The following PDE4D variants were observed in gnomAD, a reference collection of about 807,000 sequenced individuals.
The protein encoded by PDE4D is phosphodiesterase 4D, also known as 3',5'-cyclic-AMP phosphodiesterase 4D.
PDE4D carries 24 observed loss-of-function variants against 87.4 expected under a neutral mutation model. The observed-to-expected ratio is 0.27, with a 90% CI of 0.20 to 0.39. PDE4D has a LOEUF of 0.39. Ranked by LOEUF, PDE4D falls within the 10% of genes least tolerant of loss-of-function variation. The probability of loss-of-function intolerance (pLI) is 1.00; values close to 1 mark genes in which losing one functional copy is unlikely to be tolerated. For missense variants in PDE4D, 714 were observed against 1,041.0 expected (o/e 0.69, Z 4.32); for synonymous variants, 384 against 383.2 (o/e 1.00, Z -0.02).
intron 1 of PDE4D, among the ~76,000 whole-genome samples, chr5:60,493,811 T>G (rs1341239982): frequency 6.6e-6 from 1 of 151,972 alleles, no homozygotes; most frequent in Non-Finnish European, 1.5e-5. Flanking sequence ...AAAAATGAAT[T>G]CCTTCACTAG....
At chr5:60,094,758 A>G (rs968041690) in intron 2 of PDE4D, among the ~76,000 whole-genome samples, 1 of 151,958 alleles carries the variant, frequency 6.6e-6, no homozygotes, top group African/African-American at 2.4e-5. Flanking sequence ...AAAGGAATCA[A>G]CGCTACTGGC....
chr5:59,310,461 G>A (rs909474346), intron 1 of PDE4D, among the ~76,000 whole-genome samples: 4 of 152,068 alleles, frequency 2.6e-5, no homozygotes, highest in Non-Finnish European at 5.9e-5. Flanking sequence ...TGGCTCTTGA[G>A]GTCATTTGTT....
At chr5:59,617,549 T>G (rs1829849631) in intron 1 of PDE4D, among the ~76,000 whole-genome samples, 1 of 152,032 alleles carries the variant, frequency 6.6e-6, no homozygotes, top group Non-Finnish European at 1.5e-5. Context: ...TGCAAGAGAG[T>G]AGGTCCCTAA....
chr5:60,304,422 G>T (rs1013735995), intron 1 of PDE4D, among the ~76,000 whole-genome samples: 1 of 151,542 alleles, frequency 6.6e-6, no homozygotes, highest in Non-Finnish European at 1.5e-5. Context: ...GAGGCGGGTG[G>T]ATCATGAGGT....
At chr5:59,275,555 G>A (rs1561862872) in intron 1 of PDE4D, 1 of 1,426,338 alleles carries the variant, frequency 7.0e-7, no homozygotes, top group Non-Finnish European at 9.1e-7. Flanking sequence ...TCCTGTCCTC[G>A]GTCCAGCTCA....
At chr5:60,359,365 A>C (rs1759875106) in intron 1 of PDE4D, among the ~76,000 whole-genome samples, 1 of 152,192 alleles carries the variant, frequency 6.6e-6, no homozygotes, top group Non-Finnish European at 1.5e-5. Flanking sequence ...CTGGGATCGC[A>C]CCACTGCACT....
intron 1 of PDE4D, among the ~76,000 whole-genome samples, chr5:60,519,033 TC>T (rs1182084985): frequency 6.6e-6 from 1 of 152,186 alleles, no homozygotes; most frequent in Non-Finnish European, 1.5e-5. Flanking sequence ...TAAATATTGA[TC>T]ATTACATGGT....
intron 1 of PDE4D, among the ~76,000 whole-genome samples, chr5:59,748,427 T>C (rs897405224): frequency 6.6e-5 from 10 of 151,966 alleles, no homozygotes; most frequent in African/African-American, 2.4e-4. Flanking sequence ...ATAGACTGGA[T>C]TAAGAAAATG....
chr5:59,412,188 A>G (rs1792802983), intron 1 of PDE4D, among the ~76,000 whole-genome samples: 1 of 152,208 alleles, frequency 6.6e-6, no homozygotes. Context: ...AATGTTTTCA[A>G]GGGTTGTACT....
upstream of PDE4D, among the ~76,000 whole-genome samples, chr5:60,492,385 C>T (rs965970358): frequency 5.3e-5 from 8 of 152,146 alleles, no homozygotes; most frequent in African/African-American, 1.9e-4. Flanking sequence ...CTGCAGTGAG[C>T]TATGGTTGTG....
chr5:59,325,852 AT>A (rs71946065), intron 1 of PDE4D, among the ~76,000 whole-genome samples: 9 of 150,530 alleles, frequency 6.0e-5, no homozygotes, highest in African/African-American at 9.7e-5. Flanking sequence ...TCTACTCTAG[AT>A]TTTTTTTTTA....
chr5:60,072,697 A>G (rs1772851648), intron 2 of PDE4D, among the ~76,000 whole-genome samples: 2 of 152,062 alleles, frequency 1.3e-5, no homozygotes, highest in Admixed American at 6.6e-5. Flanking sequence ...AGTGTACTGA[A>G]TGGGTCCAGT....
intron 1 of PDE4D, among the ~76,000 whole-genome samples, chr5:59,823,562 A>G (rs1007381218): frequency 2.2e-4 from 34 of 152,118 alleles, no homozygotes; most frequent in African/African-American, 8.2e-4. Context: ...ATTCAACACT[A>G]GAACAGTCTT....
Position 59,768,306 on chromosome 5 carries a change from G to A in PDE4D, c.455+124862C>T, listed in dbSNP as rs374014290. The A allele has an allele frequency of 4.8e-5, 76 of 1,598,306 alleles. No homozygotes were observed. The African/African-American group carries it at 8.8e-4, about 19-fold the overall frequency. ...GGATGTTGCTGCTGAGAAGCATTCTGCGCAGAAGCCTGGGGGAATTTCTCG... is the reference window on the plus strand; with the variant it reads ...GGATGTTGCTGCTGAGAAGCATTCTACGCAGAAGCCTGGGGGAATTTCTCG... On this transcript the variant is annotated intron_variant, in intron 1 of 14. Coordinates refer to ENST00000340635, the MANE Select transcript of PDE4D (RefSeq NM_001104631.2).
intron 2 of PDE4D, among the ~76,000 whole-genome samples, chr5:60,098,606 T>C (rs1775929642): frequency 6.6e-6 from 1 of 152,024 alleles, no homozygotes; most frequent in Admixed American, 6.6e-5. Context: ...GAAATGCAAC[T>C]GGATTTTGTA....
At chr5:59,803,970 T>C (rs1291176690) in intron 1 of PDE4D, among the ~76,000 whole-genome samples, 2 of 152,240 alleles carry the variant, frequency 1.3e-5, no homozygotes, top group African/African-American at 2.4e-5. Flanking sequence ...TAGCTTATAA[T>C]ATTTTAGACT....
At chr5:59,439,233 C>A (rs1797226168) in intron 1 of PDE4D, among the ~76,000 whole-genome samples, 1 of 152,004 alleles carries the variant, frequency 6.6e-6, no homozygotes, top group Non-Finnish European at 1.5e-5. Flanking sequence ...GTGGCACACA[C>A]CTGTAATCCC....
At chr5:59,253,491 T>G (rs26700) in intron 1 of PDE4D, among the ~76,000 whole-genome samples, 32,746 of 151,990 alleles carry the variant, frequency 0.22, 3,835 homozygotes, top group Non-Finnish European at 0.26. Flanking sequence ...GCAAACACAG[T>G]CACTACACAC....
At chr5:60,310,689 T>C (rs1583379272) in intron 1 of PDE4D, among the ~76,000 whole-genome samples, 1 of 152,344 alleles carries the variant, frequency 6.6e-6, no homozygotes, top group South Asian at 2.1e-4. Context: ...AATGGATTAG[T>C]AGTAGTCAGC....
Sources: gnomAD v4.1 joint callset for allele counts (sites outside exome capture counted in the v4.1 genomes callset) on GRCh38, gnomAD v4.1.1 for gene constraint, MANE v1.5 for transcripts, NCBI Gene and HGNC (gene_info 2026-07-23, HGNC 2026-07-21) for gene names.